Variants in MAP7 observed in about 807,000 individuals in gnomAD.
The protein encoded by MAP7 is microtubule associated protein 7.
MAP7 carries 52 observed loss-of-function variants against 94.8 expected under a neutral mutation model. The observed-to-expected ratio is 0.55, with a 90% CI of 0.44 to 0.69. The LOEUF is 0.69. Ranked by LOEUF, MAP7 falls within the 30% of genes least tolerant of loss-of-function variation. The pLI, the probability that MAP7 is intolerant of heterozygous loss-of-function variation, is 0.00. For synonymous variants in MAP7, 350 were observed against 357.0 expected (o/e 0.98, Z 0.22); for missense variants, 940 against 964.6 (o/e 0.97, Z 0.34).
intron 1 of MAP7, among the ~76,000 whole-genome samples, chr6:136,505,277 G>GTGTA (rs1465266004): frequency 2.9e-3 from 158 of 53,814 alleles, no homozygotes; most frequent in African/African-American, 6.9e-3. Context: ...GTGTGTGTGT[G>GTGTA]TATATATATA....
chr6:136,479,162 C>A (rs551943520), intron 1 of MAP7, among the ~76,000 whole-genome samples: 3 of 152,222 alleles, frequency 2.0e-5, no homozygotes, highest in East Asian at 3.9e-4. Flanking sequence ...TTAAAAAGAT[C>A]ATTCATCACG....
chr6:136,407,883 C>A (rs942701138), intron 3 of MAP7, among the ~76,000 whole-genome samples: 9 of 152,048 alleles, frequency 5.9e-5, no homozygotes. Context: ...TGTCTTGGGG[C>A]CAAAAAAACC....
chr6:136,407,359 C>T (rs10484490), intron 3 of MAP7, among the ~76,000 whole-genome samples: 128,740 of 152,182 alleles, frequency 0.85, 54,529 homozygotes, highest in Admixed American at 0.88. Flanking sequence ...TGAACTAAAA[C>T]GTGATAGTTA....
At chr6:136,499,851 C>T (rs1819354798) in intron 1 of MAP7, among the ~76,000 whole-genome samples, 2 of 151,980 alleles carry the variant, frequency 1.3e-5, no homozygotes, top group South Asian at 4.1e-4. Context: ...TTAAAATGAG[C>T]TGGGCATGGT....
chr6:136,352,720 G>A (rs1789588945), intron 16 of MAP7, among the ~76,000 whole-genome samples: 2 of 152,122 alleles, frequency 1.3e-5, no homozygotes. Flanking sequence ...TAAAATAAGT[G>A]TAGACAGGGA....
rs1242965008 is a variant in MAP7, at chr6:136,372,565, C to T, written c.812G>A (p.Arg271Gln). 8 of 1,614,044 alleles carry T rather than the reference C, an allele frequency of 5.0e-6. No homozygotes were observed. The highest frequency in any genetic ancestry group is 2.2e-5 in the South Asian group (2 of 91,068). Residue 271 changes from arginine (R) to glutamine (Q), a missense_variant, in exon 8 of 18, where the codon CGA becomes CAA. Arg to Gln is a conservative substitution (Grantham distance 43, BLOSUM62 1). Coordinates refer to ENST00000354570, the MANE Select transcript of MAP7 (RefSeq NM_003980.6). ...KAAHSRNSMD[R>Q]PKLFVTPPEG... ...AGGTGGTGTTACAAAGAGTTTTGGT[C>T]GATCCATCGAATTTCTAGAGTGTGC...
chr6:136,459,624 A>C (rs1309253819), intron 1 of MAP7, among the ~76,000 whole-genome samples: 3 of 152,298 alleles, frequency 2.0e-5, no homozygotes, highest in African/African-American at 7.2e-5. Context: ...ATTGGACATT[A>C]TGCTATGTGA....
At chr6:136,522,618 T>C (rs542826374) in intron 1 of MAP7, among the ~76,000 whole-genome samples, 2 of 152,348 alleles carry the variant, frequency 1.3e-5, no homozygotes, top group African/African-American at 4.8e-5. Context: ...TTGGGTATGG[T>C]TGGCAGATGA....
rs183876663 is a variant in MAP7, at chr6:136,380,852, C to T, written c.637+2819G>A. 1.7e-3 allele frequency among the ~76,000 whole-genome samples: 264 copies of T among 152,220 alleles called. 2 individuals are homozygous for T. Among genetic ancestry groups the T allele is most frequent in the African/African-American group, 5.6e-3 (233 of 41,552 alleles). ...TGGCTTCCCTTGGCTTTGGAGGGCCCGGGGAAGCACATCTTGGAAAAGTGA... is the reference window on the plus strand; with the variant it reads ...TGGCTTCCCTTGGCTTTGGAGGGCCTGGGGAAGCACATCTTGGAAAAGTGA... On this transcript the variant is annotated intron_variant, in intron 6 of 17. Transcript: ENST00000354570.
intron 1 of MAP7, among the ~76,000 whole-genome samples, chr6:136,529,058 C>T (rs1047929970): frequency 4.6e-5 from 7 of 152,078 alleles, no homozygotes; most frequent in South Asian, 4.1e-4. Flanking sequence ...AAGGCAAATA[C>T]GGAAAGGGAT....
intron 1 of MAP7, among the ~76,000 whole-genome samples, chr6:136,534,192 G>C (rs1828700325): frequency 6.6e-6 from 1 of 152,188 alleles, no homozygotes; most frequent in East Asian, 1.9e-4. Context: ...GAAATATATT[G>C]TATATAAAGA....
At chr6:136,519,003 G>C (rs1044307476) in intron 1 of MAP7, among the ~76,000 whole-genome samples, 7 of 152,194 alleles carry the variant, frequency 4.6e-5, no homozygotes, top group African/African-American at 1.4e-4. Context: ...AAAAACTTTG[G>C]TTATACACAG....
At chr6:136,435,484 T>A (rs1562397407) in intron 1 of MAP7, among the ~76,000 whole-genome samples, 1 of 152,256 alleles carries the variant, frequency 6.6e-6, no homozygotes, top group Non-Finnish European at 1.5e-5. Context: ...GAGTGCCCCC[T>A]CAAACTGCCA....
At chr6:136,412,457 T>C (rs1481390268) in intron 2 of MAP7, among the ~76,000 whole-genome samples, 1 of 151,700 alleles carries the variant, frequency 6.6e-6, no homozygotes, top group Non-Finnish European at 1.5e-5. Flanking sequence ...AGGAGAAAAA[T>C]ACAGAGAATA....
At chr6:136,389,623 G>A in intron 3 of MAP7, 106 bp from the exon 4 acceptor site, 2 of 994,064 alleles carry the variant, frequency 2.0e-6, no homozygotes, top group Non-Finnish European at 3.0e-6. Flanking sequence ...GAACAAATAT[G>A]GGTTCTTTAG....
intron 1 of MAP7, among the ~76,000 whole-genome samples, chr6:136,500,486 A>C (rs1334987599): frequency 6.6e-6 from 1 of 152,228 alleles, no homozygotes; most frequent in African/African-American, 2.4e-5. Context: ...AATTGCCCTA[A>C]GTTTAGTAAA....
In MAP7 at chr6:136,487,843, A is replaced by G. The variant is rs145262147; in HGVS notation, c.67+62499T>C. On this transcript the variant is annotated intron_variant, in intron 1 of 17. Transcript: ENST00000354570. The stretch of plus-strand genomic sequence containing the variant: ...ACAATTTTCTGTGTTCCAGTTGTTA[A>G]TGATGGCACAAAAGATGCTTGAAGT... Among the ~76,000 whole-genome samples, 573 of 152,358 alleles carry G rather than the reference A, an allele frequency of 3.8e-3. 17 individuals carry two copies. The highest frequency in any genetic ancestry group is 0.035 in the Admixed American group (530 of 15,308).
chr6:136,528,400 G>T (rs1192721848), intron 1 of MAP7, among the ~76,000 whole-genome samples: 1 of 152,090 alleles, frequency 6.6e-6, no homozygotes, highest in Non-Finnish European at 1.5e-5. Context: ...TTAATCAGAT[G>T]ATCAATAAAC....
Position 136,362,679 on chromosome 6 carries a change from G to C in MAP7, c.1297C>G (p.Pro433Ala), listed in dbSNP as rs1793180096. 3.1e-6 allele frequency: 5 copies of C among 1,603,924 alleles called. No homozygotes were observed. Among genetic ancestry groups the C allele is most frequent in the Middle Eastern group, 1.7e-4 (1 of 5,988 alleles). ...GPAAPAMAPA[P>A]ASAPAPASAP... Reference sequence around the variant, plus strand: ...GAGGCTGGAGCTGGGGCCGAGGCTGGAGCTGGGGCCATGGCTGGAGCAGCT... The same window carrying C: ...GAGGCTGGAGCTGGGGCCGAGGCTGCAGCTGGGGCCATGGCTGGAGCAGCT... The change falls in exon 11 of 18, where the codon CCA becomes GCA. Residue 433 changes from proline (P) to alanine (A), a missense_variant. Pro to Ala is a conservative substitution (Grantham distance 27). Coordinates refer to ENST00000354570, the MANE Select transcript of MAP7 (RefSeq NM_003980.6).
Sources: gnomAD v4.1 joint callset for allele counts (sites outside exome capture counted in the v4.1 genomes callset) on GRCh38, gnomAD v4.1.1 for gene constraint, MANE v1.5 for transcripts, NCBI Gene and HGNC (gene_info 2026-07-23, HGNC 2026-07-21) for gene names.